ARID1B: variants seen among roughly 807,000 people sequenced by gnomAD.
ARID1B encodes the protein AT-rich interaction domain 1B.
In ARID1B, 30 loss-of-function variants were observed where a neutral mutation model predicts 212.3. The ratio of observed to expected loss-of-function variants is 0.14; its 90% CI spans 0.11 to 0.19. ARID1B has a LOEUF of 0.19. Ranked by LOEUF, ARID1B falls within the 10% of genes least tolerant of loss-of-function variation. The pLI is 1.00. For synonymous variants in ARID1B, 1,402 were observed against 1,301.7 expected (o/e 1.08, Z -1.66); for missense variants, 2,891 against 3,204.0 (o/e 0.90, Z 2.36).
chr6:157,139,119 A>G (rs1381199071), intron 7 of ARID1B, among the ~76,000 whole-genome samples: 1 of 152,234 alleles, frequency 6.6e-6, no homozygotes, highest in Non-Finnish European at 1.5e-5. Flanking sequence ...AAATGAAAAA[A>G]GAAAAAAATC....
At chr6:157,048,504 G>A (rs928159725) in intron 4 of ARID1B, among the ~76,000 whole-genome samples, 1 of 152,116 alleles carries the variant, frequency 6.6e-6, no homozygotes, top group Admixed American at 6.6e-5. Flanking sequence ...AGTTTGGAAG[G>A]AATAAAAAGT....
intron 3 of ARID1B, among the ~76,000 whole-genome samples, chr6:156,913,221 T>C (rs1053504217): frequency 3.4e-5 from 5 of 148,666 alleles, no homozygotes; most frequent in Non-Finnish European, 7.5e-5. Flanking sequence ...CTTTTTCTTT[T>C]TTTTTTTTTT....
At chr6:156,889,640 A>G (rs1787772004) in intron 2 of ARID1B, among the ~76,000 whole-genome samples, 1 of 152,178 alleles carries the variant, frequency 6.6e-6, no homozygotes, top group African/African-American at 2.4e-5. Context: ...GTACCTCGAA[A>G]AGTGATCTCA....
chr6:156,941,635 A>G (rs1792682725), intron 4 of ARID1B: 1 of 152,186 alleles, frequency 6.6e-6, no homozygotes, highest in Non-Finnish European at 1.5e-5. Flanking sequence ...TATTTTCATG[A>G]TATTGATAGT....
chr6:156,851,205 A>G (rs1784560329), intron 2 of ARID1B, among the ~76,000 whole-genome samples: 1 of 152,176 alleles, frequency 6.6e-6, no homozygotes, highest in African/African-American at 2.4e-5. Context: ...CCCCCCTGCA[A>G]GCACTAGGGG....
rs73576007 is a variant in ARID1B at position 156,903,625 on chromosome 6, C to T, written c.2136+2100C>T. On this transcript the variant is annotated intron_variant, in intron 3 of 19. Transcript: ENST00000636930. ...ACTTGCATTATAGATATATTTAGCA[C>T]CTCCAAAACCTAAGTAATCCCCCTA... 9.4e-4 allele frequency among the ~76,000 whole-genome samples: 143 copies of T among 152,244 alleles called. 2 individuals are homozygous for T. Among genetic ancestry groups the T allele is most frequent in the African/African-American group, 3.3e-3 (136 of 41,534 alleles).
intron 2 of ARID1B, among the ~76,000 whole-genome samples, chr6:156,883,918 A>G (rs1285042293): frequency 6.6e-6 from 1 of 152,216 alleles, no homozygotes; most frequent in Non-Finnish European, 1.5e-5. Flanking sequence ...GCTGTAGGTC[A>G]GGGAAGAGGC....
chr6:157,210,417 T>C lies in ARID1B; in HGVS notation c.*2526T>C, dbSNP rs1186171627. ...TAAAATAATTAACAAAAGACTGTTG[T>C]TATGGTTTGCATTGTAACCGATACG... On this transcript the variant is annotated 3_prime_UTR_variant, in exon 20 of 20. Transcript: ENST00000636930. The C allele has an allele frequency of 8.6e-6, 2 of 231,224 alleles. No homozygotes were observed. The highest frequency in any genetic ancestry group is 1.7e-5 in the Non-Finnish European group (2 of 116,914). 14.3% of individuals were successfully genotyped at this position (231,224 alleles called of 1,614,324 possible). A position where few individuals can be genotyped will look rare whatever the true frequency, so the allele number is the denominator to read the frequency against.
intron 2 of ARID1B, among the ~76,000 whole-genome samples, chr6:156,860,457 A>G (rs1192437222): frequency 6.6e-6 from 1 of 152,166 alleles, no homozygotes; most frequent in East Asian, 1.9e-4. Context: ...ATAATTTCTA[A>G]TAGTCAGGAA....
chr6:156,916,109 G>A (rs1001416715), intron 3 of ARID1B, among the ~76,000 whole-genome samples: 2 of 152,260 alleles, frequency 1.3e-5, no homozygotes, highest in South Asian at 4.1e-4. Flanking sequence ...GAATTAGGAT[G>A]GATCTAGGTG....
At chr6:157,058,938 G>A (rs961157363) in intron 4 of ARID1B, among the ~76,000 whole-genome samples, 1 of 152,228 alleles carries the variant, frequency 6.6e-6, no homozygotes, top group Non-Finnish European at 1.5e-5. Context: ...AGGCAGGAAT[G>A]AATAGGCAGA....
At chr6:157,168,094 A>G (rs1191370386) in intron 9 of ARID1B, 1 of 152,210 alleles carries the variant, frequency 6.6e-6, no homozygotes, top group Non-Finnish European at 1.5e-5. Flanking sequence ...CTTTCTGATT[A>G]CATTTTTTCA....
At chr6:156,797,521 C>T (rs1040043611) in intron 1 of ARID1B, among the ~76,000 whole-genome samples, 1 of 152,158 alleles carries the variant, frequency 6.6e-6, no homozygotes, top group African/African-American at 2.4e-5. Context: ...AGCCCCGATG[C>T]CACCTTTATT....
chr6:156,916,159 G>A (rs946661489), intron 3 of ARID1B, among the ~76,000 whole-genome samples: 2 of 152,166 alleles, frequency 1.3e-5, no homozygotes, highest in African/African-American at 2.4e-5. Flanking sequence ...AAATTCGATT[G>A]TATCAGGAAG....
At chr6:156,929,657 C>G (rs1791536658) in intron 3 of ARID1B, among the ~76,000 whole-genome samples, 1 of 152,214 alleles carries the variant, frequency 6.6e-6, no homozygotes, top group Non-Finnish European at 1.5e-5. Context: ...CATATCTATA[C>G]TTGATGTGAG....
Position 157,148,539 on chromosome 6 carries a change from C to A in ARID1B, c.2762-85C>A. The A allele has an allele frequency of 1.4e-6, 2 of 1,429,882 alleles. No individual in the cohort carries two copies. The highest frequency in any genetic ancestry group is 1.3e-5 in the South Asian group (1 of 77,062). 88.6% of individuals were successfully genotyped at this position (1,429,882 alleles called of 1,614,324 possible). A position where few individuals can be genotyped will look rare whatever the true frequency, so the allele number is the denominator to read the frequency against. Reference sequence around the variant, plus strand: ...GTCATGACTAATACTCCGTGCTGATCGCATTGTTGGACAAAAAGTATTTCC... The same window carrying A: ...GTCATGACTAATACTCCGTGCTGATAGCATTGTTGGACAAAAAGTATTTCC... On this transcript the variant is annotated intron_variant, in intron 7 of 19. Transcript: ENST00000636930. This position sits in a 1 kb window ranked among gnomAD's most constrained non-coding sequence, Gnocchi z 5.6.
At chr6:157,030,690 T>A (rs528990790) in intron 4 of ARID1B, among the ~76,000 whole-genome samples, 1 of 152,366 alleles carries the variant, frequency 6.6e-6, no homozygotes, top group African/African-American at 2.4e-5. Flanking sequence ...GTGGAGGAGA[T>A]CATGTGAGCA....
chr6:157,070,521 A>G (rs187304949), intron 4 of ARID1B, among the ~76,000 whole-genome samples: 57 of 152,328 alleles, frequency 3.7e-4, no homozygotes, highest in African/African-American at 1.0e-3. Context: ...AACATATGTC[A>G]GCATCAGTTT....
chr6:157,094,360 A>G lies in ARID1B; in HGVS notation c.2491+9455A>G, dbSNP rs1054586869. On this transcript the variant is annotated intron_variant, in intron 5 of 19. Coordinates refer to ENST00000636930, the MANE Select transcript of ARID1B (RefSeq NM_001374828.1). The surrounding 1 kb of genome is among the most constrained non-coding windows in gnomAD (Gnocchi z 4.3). ...TGATTATGATTTAGGAGGTTTTTTT[A>G]TTACTTCTTTTTGAGAAGGAGTCTC... Among the ~76,000 whole-genome samples, 1 of 151,936 alleles carries G rather than the reference A, an allele frequency of 6.6e-6. No homozygotes were observed. Among genetic ancestry groups the G allele is most frequent in the African/African-American group, 2.4e-5 (1 of 41,348 alleles).
Sources: allele counts gnomAD v4.1 joint callset (sites outside exome capture counted in the v4.1 genomes callset), GRCh38; gene constraint gnomAD v4.1.1; non-coding constraint Gnocchi (gnomAD v3.1); transcripts MANE v1.5; gene names NCBI Gene and HGNC (gene_info 2026-07-23, HGNC 2026-07-21).